FFAR4: variants seen among roughly 807,000 people sequenced by gnomAD.
FFAR4 encodes G-protein coupled receptor 120.
FFAR4 carries 19 observed loss-of-function variants against 27.0 expected under a neutral mutation model. The ratio of observed to expected loss-of-function variants is 0.70; its 90% CI spans 0.49 to 1.03. The LOEUF is 1.03. FFAR4 is among the 50% of genes least tolerant of loss of function. FFAR4 has a pLI of 0.00. For synonymous variants in FFAR4, 254 were observed against 215.6 expected (o/e 1.18, Z -1.56); for missense variants, 476 against 479.0 (o/e 0.99, Z 0.06).
intron 2 of FFAR4, among the ~76,000 whole-genome samples, chr10:93,583,071 A>G (rs1015659004): frequency 2.6e-5 from 4 of 152,116 alleles, no homozygotes; most frequent in African/African-American, 9.6e-5. Flanking sequence ...AGATTTGGTT[A>G]GGGATACAGA....
chr10:93,580,080 A>T (rs1383995771), intron 2 of FFAR4, among the ~76,000 whole-genome samples: 1 of 152,214 alleles, frequency 6.6e-6, no homozygotes, highest in Non-Finnish European at 1.5e-5. Flanking sequence ...TGCCAGGCTG[A>T]TAATTTGGAA....
intron 2 of FFAR4, among the ~76,000 whole-genome samples, chr10:93,584,334 A>T (rs1483781528): frequency 6.6e-6 from 1 of 152,200 alleles, no homozygotes. Flanking sequence ...AATTTGTCTC[A>T]TCTTTAATCC....
intron 1 of FFAR4, among the ~76,000 whole-genome samples, chr10:93,570,078 T>A (rs1247176177): frequency 6.6e-6 from 1 of 151,688 alleles, no homozygotes; most frequent in Non-Finnish European, 1.5e-5. Flanking sequence ...AAATTTTTTT[T>A]AAATTAAAAA....
At chr10:93,567,319 G>A (rs777861864) in intron 1 of FFAR4, 32 bp downstream of exon 1, 187 of 1,579,574 alleles carry the variant, frequency 1.2e-4, no homozygotes, top group Non-Finnish European at 1.5e-4. Context: ...CCGGGCAGGT[G>A]TCCTGCGCAG....
At chr10:93,579,169 A>G in intron 2 of FFAR4, 1 of 1,614,036 alleles carries the variant, frequency 6.2e-7, no homozygotes, top group Non-Finnish European at 8.5e-7. Context: ...ACCTCGGAAC[A>G]CCTCCTGGAT....
chr10:93,578,159 G>A lies in FFAR4; in HGVS notation c.696+1940G>A, dbSNP rs1348763288. 4.6e-5 allele frequency among the ~76,000 whole-genome samples: 7 copies of A among 152,236 alleles called. No individual in the cohort carries two copies. The South Asian group carries it at 1.0e-3, about 23-fold the overall frequency. On this transcript the variant is annotated intron_variant, in intron 2 of 2. Transcript: ENST00000371481. ...AGGCCAGGTGTGGTAGCTCACGCCTGTAATCCTAGCACTTTGGGAGGGTGA... is the reference window on the plus strand; with the variant it reads ...AGGCCAGGTGTGGTAGCTCACGCCTATAATCCTAGCACTTTGGGAGGGTGA...
intron 2 of FFAR4, 40 bp from the exon 3 acceptor site, chr10:93,587,180 C>T (rs527797350): frequency 4.2e-5 from 65 of 1,565,098 alleles, no homozygotes; most frequent in Admixed American, 1.6e-4. Flanking sequence ...CAACAACCCT[C>T]GGTCACCTGT....
At position 93,566,945 on chromosome 10, in the gene FFAR4, C is replaced by T; in HGVS notation, c.225C>T (p.Ala75=). The T allele has an allele frequency of 1.9e-6, 3 of 1,610,844 alleles. No individual in the cohort carries two copies. Among genetic ancestry groups the T allele is most frequent in the Non-Finnish European group, 2.5e-6 (3 of 1,179,492 alleles). Residue 75 remains alanine (A), a synonymous_variant, in exon 1 of 3, where the codon GCC becomes GCT. Coordinates refer to ENST00000371481, the MANE Select transcript of FFAR4 (RefSeq NM_001195755.2). ...GCCGACGACGCCGCGGCGCGACTGC[C>T]TGCCTGGTACTCAACCTCTTCTGCG... ...VARRRRRGAT[A]CLVLNLFCAD...
intron 1 of FFAR4, among the ~76,000 whole-genome samples, chr10:93,573,319 G>C (rs538279413): frequency 1.3e-5 from 2 of 152,332 alleles, no homozygotes; most frequent in African/African-American, 4.8e-5. Context: ...AACAAGGCAG[G>C]CCTGCCACTT....
chr10:93,582,990 C>T (rs1465155285), intron 2 of FFAR4, among the ~76,000 whole-genome samples: 1 of 152,070 alleles, frequency 6.6e-6, no homozygotes, highest in Non-Finnish European at 1.5e-5. Context: ...AAACTGCCCC[C>T]ATGATCCAAA....
At chr10:93,573,186 C>G (rs1481092290) in intron 1 of FFAR4, among the ~76,000 whole-genome samples, 1 of 152,240 alleles carries the variant, frequency 6.6e-6, no homozygotes, top group African/African-American at 2.4e-5. Context: ...AAAGGGCCAG[C>G]GCCTTGCTCT....
In FFAR4 at chr10:93,587,933, A is replaced by T. The variant is rs1477157305; in HGVS notation, c.*324A>T. 5.5e-6 allele frequency: 1 copy of T among 180,662 alleles called. No homozygotes were observed. The highest frequency in any genetic ancestry group is 1.2e-5 in the Non-Finnish European group (1 of 85,072). 11.2% of individuals were successfully genotyped at this position (180,662 alleles called of 1,614,324 possible). On this transcript the variant is annotated 3_prime_UTR_variant, in exon 3 of 3. Coordinates refer to ENST00000371481, the MANE Select transcript of FFAR4 (RefSeq NM_001195755.2). The stretch of plus-strand genomic sequence containing the variant: ...AGACCCCCGTCTCTACTAAAAATAA[A>T]AAAAAAAATTAGCTGGGAGTGGTGG...
rs560449588 is a variant in FFAR4 at position 93,579,021 on chromosome 10, A to G, written c.696+2802A>G. ...CCACCCCCATCTTTTTCTCAAGGCC[A>G]GGGTCCACCTGGAAAAATTCTGAGA... On this transcript the variant is annotated intron_variant, in intron 2 of 2. Coordinates refer to ENST00000371481, the MANE Select transcript of FFAR4 (RefSeq NM_001195755.2). 6.5e-5 allele frequency: 48 copies of G among 734,470 alleles called. No individual in the cohort carries two copies. The South Asian group carries it at 7.6e-4, about 12-fold the overall frequency. The allele number at this position is 734,470 out of a possible 1,614,324, so 45.5% of individuals were successfully genotyped here.
At chr10:93,586,232 G>A (rs949755332) in intron 2 of FFAR4, among the ~76,000 whole-genome samples, 2 of 152,190 alleles carry the variant, frequency 1.3e-5, no homozygotes, top group Non-Finnish European at 2.9e-5. Flanking sequence ...TCTCGTAATA[G>A]TAAGTTCTCA....
At chr10:93,567,341 G>A in intron 1 of FFAR4, 54 bp downstream of exon 1, 1 of 1,498,264 alleles carries the variant, frequency 6.7e-7, no homozygotes, top group Non-Finnish European at 9.0e-7. Context: ...CTGGGAAGCG[G>A]GGCCCCGACG....
At chr10:93,586,995 C>T (rs527734758) in intron 2 of FFAR4, among the ~76,000 whole-genome samples, 5 of 152,252 alleles carry the variant, frequency 3.3e-5, no homozygotes, top group Non-Finnish European at 5.9e-5. Context: ...TTTCACTTCC[C>T]CTCATAACGC....
intron 2 of FFAR4, chr10:93,579,285 C>CCGCTGTG (rs2058185605): frequency 3.2e-6 from 4 of 1,239,696 alleles, no homozygotes; most frequent in Non-Finnish European, 4.7e-6. Context: ...CCTTAAGGCC[C>CCGCTGTG]TGTGTGGTCT....
chr10:93,574,660 G>A (rs143625769), intron 1 of FFAR4, among the ~76,000 whole-genome samples: 8 of 152,018 alleles, frequency 5.3e-5, no homozygotes, highest in South Asian at 2.1e-4. Flanking sequence ...AGGCCAAGGC[G>A]GGCGGATCAC....
At chr10:93,587,143 A>G (rs1257633924) in intron 2 of FFAR4, 77 bp from the exon 3 acceptor site, 1 of 1,338,950 alleles carries the variant, frequency 7.5e-7, no homozygotes, top group Non-Finnish European at 1.0e-6. Context: ...GCAGATTCCA[A>G]CTCTTGGGCC....
Sources: allele counts gnomAD v4.1 joint callset (sites outside exome capture counted in the v4.1 genomes callset), GRCh38; gene constraint gnomAD v4.1.1; transcripts MANE v1.5; gene names NCBI Gene and HGNC (gene_info 2026-07-23, HGNC 2026-07-21).